The following DNAJB6 variants were observed in gnomAD, a reference collection of about 807,000 sequenced individuals.
DNAJB6 encodes the protein dnaJ homolog subfamily B member 6.
Under a neutral mutation model 42.7 loss-of-function variants are expected in DNAJB6, and 16 were observed. That is an observed-to-expected ratio of 0.37 (90% CI 0.25 to 0.57). The LOEUF (loss-of-function observed/expected upper bound fraction) is 0.57, where lower values mean the gene tolerates loss of function less well. Among genes scored for constraint, DNAJB6 ranks in the 20% least tolerant of loss-of-function variants. The probability of loss-of-function intolerance (pLI) is 0.74; values close to 1 mark genes in which losing one functional copy is unlikely to be tolerated. For missense variants in DNAJB6, 347 were observed against 416.8 expected, an observed-to-expected ratio of 0.83 and a Z score of 1.46; for synonymous variants, 170 against 163.5, an observed-to-expected ratio of 1.04 and a Z score of -0.30.
chr7:157,407,799 T>C (rs1795827096), intron 8 of DNAJB6, among the ~76,000 whole-genome samples: 1 of 152,212 alleles, frequency 6.6e-6, no homozygotes, highest in Non-Finnish European at 1.5e-5. Flanking sequence ...CCCGCTCTCT[T>C]GCCAGGGTCC....
intron 9 of DNAJB6, chr7:157,412,117 C>A (rs1311189134): frequency 3.3e-5 from 5 of 152,096 alleles, no homozygotes; most frequent in Non-Finnish European, 5.9e-5. Flanking sequence ...AAATATATAA[C>A]GAACACGTCA....
At chr7:157,356,968 G>C (rs1399626918) in intron 1 of DNAJB6, among the ~76,000 whole-genome samples, 1 of 150,172 alleles carries the variant, frequency 6.7e-6, no homozygotes, top group Non-Finnish European at 1.5e-5. Flanking sequence ...TTCCATTATA[G>C]TTTTTTGTTT....
chr7:157,396,309 C>T (rs541494818), intron 8 of DNAJB6, among the ~76,000 whole-genome samples: 31 of 152,338 alleles, frequency 2.0e-4, no homozygotes, highest in African/African-American at 7.2e-4. Context: ...TCCAGCGCCT[C>T]AGCCTAACCA....
At chr7:157,382,469 A>G in intron 6 of DNAJB6, 92 bp downstream of exon 6, 1 of 1,392,590 alleles carries the variant, frequency 7.2e-7, no homozygotes, top group Non-Finnish European at 9.7e-7. Context: ...GCTTTAAAAT[A>G]TGTGTATACC....
chr7:157,387,169 AC>A (rs1475412907), intron 8 of DNAJB6, among the ~76,000 whole-genome samples: 1 of 152,220 alleles, frequency 6.6e-6, no homozygotes, highest in African/African-American at 2.4e-5. Flanking sequence ...ACGTGCTGTT[AC>A]TGAAAATAAG....
At chr7:157,409,514 G>C (rs948469286) in intron 8 of DNAJB6, among the ~76,000 whole-genome samples, 1 of 152,266 alleles carries the variant, frequency 6.6e-6, no homozygotes, top group African/African-American at 2.4e-5. Context: ...ACTCTCGGAA[G>C]AGGCGTGTTG....
At chr7:157,369,429 A>C (rs1343370695) in intron 5 of DNAJB6, 3 of 456,406 alleles carry the variant, frequency 6.6e-6, no homozygotes, top group Admixed American at 4.7e-5. Context: ...AGCGAGGAAG[A>C]AGGCCCGCTC....
At chr7:157,346,679 A>G (rs181119015) in intron 1 of DNAJB6, among the ~76,000 whole-genome samples, 2 of 152,294 alleles carry the variant, frequency 1.3e-5, no homozygotes, top group African/African-American at 4.8e-5. Context: ...AATGCAGGTA[A>G]CCTTTCATGG....
chr7:157,402,291 G>A (rs28430489), intron 8 of DNAJB6, among the ~76,000 whole-genome samples: 38,442 of 152,170 alleles, frequency 0.25, 5,103 homozygotes, highest in South Asian at 0.43. Context: ...GACTGTGGAA[G>A]CACAGGGAAG....
At chr7:157,403,318 C>CT (rs914958832) in intron 8 of DNAJB6, among the ~76,000 whole-genome samples, 17 of 152,116 alleles carry the variant, frequency 1.1e-4, no homozygotes, top group African/African-American at 4.1e-4. Context: ...AGAGGGATGA[C>CT]TTTGAGTTCT....
chr7:157,382,060 T>C (rs922503214), intron 5 of DNAJB6, 186 bp from the exon 6 acceptor site: 6 of 524,906 alleles, frequency 1.1e-5, no homozygotes, highest in Non-Finnish European at 1.9e-5. Context: ...TGAATTAAAC[T>C]AGTTAGTAAA....
chr7:157,407,769 G>A (rs572201121), intron 8 of DNAJB6, among the ~76,000 whole-genome samples: 6 of 152,308 alleles, frequency 3.9e-5, no homozygotes, highest in South Asian at 2.1e-4. Flanking sequence ...CAGCGACTTC[G>A]CAGCACTGTC....
chr7:157,348,985 C>T (rs1006570766), intron 1 of DNAJB6, among the ~76,000 whole-genome samples: 3 of 152,188 alleles, frequency 2.0e-5, no homozygotes, highest in Admixed American at 1.3e-4. Flanking sequence ...TTAATTTTTC[C>T]TTTCCTCATG....
chr7:157,350,129 G>A lies in DNAJB6; in HGVS notation c.-26-8418G>A, dbSNP rs1317224. Among the ~76,000 whole-genome samples, 261 of 152,140 alleles carry A rather than the reference G, an allele frequency of 1.7e-3. 4 individuals carry two copies. The highest frequency in any genetic ancestry group is 3.4e-3 in the Middle Eastern group (1 of 294). On this transcript the variant is annotated intron_variant, in intron 1 of 9. Transcript: ENST00000262177. ...TTGTAGCATCCTGGTCCATTTTCCC[G>A]TCCTGATCAGAAAGAGAGCTGTGGG...
Position 157,392,089 on chromosome 7 carries a change from G to T in DNAJB6, c.691+6478G>T, listed in dbSNP as rs552464057. 4.2e-5 allele frequency among the ~76,000 whole-genome samples: 5 copies of T among 118,218 alleles called. No individual in the cohort carries two copies. In the East Asian group the frequency reaches 1.2e-3, roughly 28 times the overall value. 77.6% of individuals were successfully genotyped at this position (118,218 alleles called of 152,430 possible). ...TGCACTCCAACCTGGGCAACAAGGA[G>T]ACCCTGTCTCAAAAAAAAAAAAAAA... On this transcript the variant is annotated intron_variant, in intron 8 of 9. Transcript: ENST00000262177.
Position 157,346,866 on chromosome 7 carries a change from G to T in DNAJB6, c.-27+9722G>T, listed in dbSNP as rs538725423. Among the ~76,000 whole-genome samples, 638 of 152,022 alleles carry T rather than the reference G, an allele frequency of 4.2e-3. 5 individuals are homozygous for T. Among genetic ancestry groups the T allele is most frequent in the African/African-American group, 0.015 (608 of 41,492 alleles). On this transcript the variant is annotated intron_variant, in intron 1 of 9. Coordinates refer to ENST00000262177, the MANE Select transcript of DNAJB6 (RefSeq NM_058246.4). ...CTTCAGCTATTTTCTTTTTTTTCTT[G>T]TTTTCTTGAGATGGAGTCTTGCTCT...
chr7:157,395,305 A>G (rs1006116970), intron 8 of DNAJB6, among the ~76,000 whole-genome samples: 1 of 152,226 alleles, frequency 6.6e-6, no homozygotes, highest in African/African-American at 2.4e-5. Flanking sequence ...AAGCTCTAAC[A>G]TGAATTCATC....
intron 2 of DNAJB6, among the ~76,000 whole-genome samples, chr7:157,362,660 G>C (rs757154621): frequency 5.9e-5 from 9 of 152,178 alleles, no homozygotes; most frequent in Non-Finnish European, 1.2e-4. Flanking sequence ...GAGCCACCAC[G>C]CCTGGCCTTT....
intron 2 of DNAJB6, among the ~76,000 whole-genome samples, chr7:157,362,340 G>A (rs192532577): frequency 6.6e-6 from 1 of 152,242 alleles, no homozygotes; most frequent in African/African-American, 2.4e-5. Context: ...GGTGATGTTG[G>A]ATCTTGCTGC....
Sources: allele counts gnomAD v4.1 joint callset (sites outside exome capture counted in the v4.1 genomes callset), GRCh38; gene constraint gnomAD v4.1.1; transcripts MANE v1.5; gene names NCBI Gene and HGNC (gene_info 2026-07-23, HGNC 2026-07-21).